The following HNRNPUL1 variants were observed in gnomAD, a reference collection of about 807,000 sequenced individuals.
HNRNPUL1 encodes the protein heterogeneous nuclear ribonucleoprotein U like 1, also known as heterogeneous nuclear ribonucleoprotein U-like protein 1.
A neutral mutation model predicts 108.5 loss-of-function variants in HNRNPUL1; 14 were observed. That is an observed-to-expected ratio of 0.13 (90% CI 0.09 to 0.20). HNRNPUL1 has a LOEUF of 0.20. Among genes scored for constraint, HNRNPUL1 ranks in the 10% least tolerant of loss-of-function variants. The probability of loss-of-function intolerance (pLI) is 1.00; values close to 1 mark genes in which losing one functional copy is unlikely to be tolerated. For synonymous variants in HNRNPUL1, 422 were observed against 445.2 expected (o/e 0.95, Z 0.66); for missense variants, 804 against 1,168.3 (o/e 0.69, Z 4.55).
Position 41,272,195 on chromosome 19 carries a change from A to T in HNRNPUL1, c.532A>T (p.Asn178Tyr). 6.2e-7 allele frequency: 1 copy of T among 1,614,018 alleles called. No individual in the cohort carries two copies. Among genetic ancestry groups the T allele is most frequent in the South Asian group, 1.1e-5 (1 of 91,062 alleles). ...GAGTCGAAAGAGGCCTTATGAAGAA[A>T]ACCGGGGACGGGGGTACTTTGAGCA... ...FQSRKRPYEE[N>Y]RGRGYFEHRE... Residue 178 changes from asparagine to tyrosine, a missense_variant, in exon 3 of 15, where the codon AAC becomes TAC. Coordinates refer to ENST00000392006, the MANE Select transcript of HNRNPUL1 (RefSeq NM_007040.6).
chr19:41,287,256 C>T (rs368399520), intron 7 of HNRNPUL1, among the ~76,000 whole-genome samples: 4 of 152,130 alleles, frequency 2.6e-5, no homozygotes, highest in South Asian at 2.1e-4. Flanking sequence ...CTTCGTGATC[C>T]GCCCACCTCG....
chr19:41,279,204 G>T, intron 6 of HNRNPUL1, 28 bp downstream of exon 6: 1 of 1,465,558 alleles, frequency 6.8e-7, no homozygotes. Flanking sequence ...ATGCAGTCCA[G>T]AGAATAGAGT....
intron 6 of HNRNPUL1, among the ~76,000 whole-genome samples, chr19:41,279,405 C>T (rs901599753): frequency 1.3e-5 from 2 of 152,234 alleles, no homozygotes; most frequent in African/African-American, 4.8e-5. Flanking sequence ...TCTTATCCTT[C>T]ATCTTTTAGG....
chr19:41,301,389 A>G (rs75497875), intron 10 of HNRNPUL1, 147 bp from the exon 11 acceptor site: 18,884 of 631,266 alleles, frequency 0.03, 1,378 homozygotes, highest in African/African-American at 0.19. Flanking sequence ...GAATCTTCTA[A>G]GTAAAGAAGA....
At chr19:41,263,664 C>T (rs897315327), upstream of HNRNPUL1, among the ~76,000 whole-genome samples, 2 of 152,210 alleles carry the variant, frequency 1.3e-5, no homozygotes, top group Admixed American at 6.5e-5. Context: ...AACTGTGTAT[C>T]CACTTAATCT....
intron 4 of HNRNPUL1, 140 bp from the exon 5 acceptor site, chr19:41,276,019 C>G (rs559177664): frequency 2.0e-6 from 2 of 999,530 alleles, no homozygotes; most frequent in South Asian, 2.7e-5. Context: ...AAGAGAATCA[C>G]TTGAACCCGG....
intron 2 of HNRNPUL1, among the ~76,000 whole-genome samples, chr19:41,269,932 A>G (rs1255787710): frequency 1.3e-5 from 2 of 152,092 alleles, no homozygotes; most frequent in Admixed American, 6.5e-5. Flanking sequence ...TGTCTCTATA[A>G]AAAATAAAAA....
At chr19:41,290,096 G>A (rs536777824) in intron 7 of HNRNPUL1, among the ~76,000 whole-genome samples, 86 of 152,260 alleles carry the variant, frequency 5.6e-4, no homozygotes, top group African/African-American at 2.0e-3. Flanking sequence ...TGTGAGCACT[G>A]AGGAGGTTAA....
chr19:41,276,318 G>A lies in HNRNPUL1; in HGVS notation c.786+20G>A. 6.3e-7 allele frequency: 1 copy of A among 1,593,902 alleles called. No individual in the cohort carries two copies. Among genetic ancestry groups the A allele is most frequent in the Non-Finnish European group, 8.6e-7 (1 of 1,167,314 alleles). ...ATGAAGGTGAGTAGGAGCAAGAGAA[G>A]GGGAAGGGACAGAGAAGTCCATCCA... On this transcript the variant is annotated intron_variant, in intron 5 of 14. Transcript: ENST00000392006.
At chr19:41,268,435 A>G in intron 2 of HNRNPUL1, 90 bp downstream of exon 2, 2 of 1,375,466 alleles carry the variant, frequency 1.5e-6, no homozygotes, top group Non-Finnish European at 2.0e-6. Context: ...TCCCAGAGAA[A>G]CTGTGCATCT....
chr19:41,304,413 C>T lies in HNRNPUL1; in HGVS notation c.2262+152C>T, dbSNP rs76848766. 3.8e-3 allele frequency: 5,275 copies of T among 1,387,862 alleles called. 145 individuals carry two copies. In the African/African-American group the frequency reaches 0.063, roughly 17 times the overall value. The allele number at this position is 1,387,862 out of a possible 1,614,324, so 86.0% of individuals were successfully genotyped here. A position where few individuals can be genotyped will look rare whatever the true frequency, so the allele number is the denominator to read the frequency against. On this transcript the variant is annotated intron_variant, in intron 13 of 14. Coordinates refer to ENST00000392006, the MANE Select transcript of HNRNPUL1 (RefSeq NM_007040.6). ...TAGCCTGCCCTTCTTTCTCCCTGGCCGTGATCTTGACTCAGATGGACCCTA... is the reference window on the plus strand; with the variant it reads ...TAGCCTGCCCTTCTTTCTCCCTGGCTGTGATCTTGACTCAGATGGACCCTA...
chr19:41,289,827 C>T (rs1204510758), intron 7 of HNRNPUL1, among the ~76,000 whole-genome samples: 2 of 151,266 alleles, frequency 1.3e-5, no homozygotes, highest in African/African-American at 4.9e-5. Flanking sequence ...ATTCTCCTGC[C>T]TCAGCCTCCT....
chr19:41,263,196 G>A (rs1366518166), upstream of HNRNPUL1, among the ~76,000 whole-genome samples: 1 of 152,104 alleles, frequency 6.6e-6, no homozygotes, highest in Non-Finnish European at 1.5e-5. Context: ...AGGAGGCAGT[G>A]GGAGTCTGCA....
intron 1 of HNRNPUL1, among the ~76,000 whole-genome samples, chr19:41,266,055 C>T (rs2034822110): frequency 6.6e-6 from 1 of 152,096 alleles, no homozygotes; most frequent in South Asian, 2.1e-4. Flanking sequence ...GGAGCTGTGA[C>T]TCTGGGAATG....
At chr19:41,273,905 T>C (rs1272941387) in intron 3 of HNRNPUL1, 77 bp from the exon 4 acceptor site, 10 of 1,214,414 alleles carry the variant, frequency 8.2e-6, no homozygotes, top group Non-Finnish European at 1.1e-5. Context: ...ACTCATAGAT[T>C]ACAGCAGAAC....
chr19:41,300,458 T>TAAG (rs2037141886), intron 10 of HNRNPUL1, among the ~76,000 whole-genome samples: 1 of 152,210 alleles, frequency 6.6e-6, no homozygotes, highest in African/African-American at 2.4e-5. Context: ...CCGTTTCTGC[T>TAAG]GAGTTCCTGA....
Position 41,301,651 on chromosome 19 carries a change from G to A in HNRNPUL1, c.1634G>A (p.Arg545Gln), listed in dbSNP as rs2037218112. 1.2e-6 allele frequency: 2 copies of A among 1,613,890 alleles called. No individual in the cohort carries two copies. Among genetic ancestry groups the A allele is most frequent in the African/African-American group, 1.3e-5 (1 of 74,910 alleles). Residue 545 changes from arginine to glutamine, a missense_variant, in exon 11 of 15, where the codon CGA becomes CAA. Arg to Gln is a conservative substitution (Grantham distance 43). This residue lies in a region of HNRNPUL1 where 80 missense variants were observed against 221.8 expected (regional missense o/e 0.36). Transcript: ENST00000392006. ...GACCTAAAAGACCGAACAATAAAGCGAACCGACGAGGAAGGGAAGGATGTC... is the reference window on the plus strand; with the variant it reads ...GACCTAAAAGACCGAACAATAAAGCAAACCGACGAGGAAGGGAAGGATGTC... The part of the protein sequence containing the change: ...DEDLKDRTIK[R>Q]TDEEGKDVPD...
intron 8 of HNRNPUL1, among the ~76,000 whole-genome samples, chr19:41,293,563 C>T (rs891446495): frequency 6.6e-6 from 1 of 152,176 alleles, no homozygotes; most frequent in African/African-American, 2.4e-5. Context: ...TGATTAGATA[C>T]AATTCATGTC....
rs374312400 is a variant in HNRNPUL1, at chr19:41,268,260, C to T, written c.333C>T (p.Tyr111=). Residue 111 remains tyrosine, a synonymous_variant, in exon 2 of 15, where the codon TAC becomes TAT. Transcript: ENST00000392006. ...MDNITRQNQF[Y]DTQVIKQENE... ...ATATTACCAGGCAGAACCAATTCTACGATACCCAAGTCATCAAACAAGAAA... is the reference window on the plus strand; with the variant it reads ...ATATTACCAGGCAGAACCAATTCTATGATACCCAAGTCATCAAACAAGAAA... 3.4e-5 allele frequency: 55 copies of T among 1,613,764 alleles called. No individual in the cohort carries two copies. Among genetic ancestry groups the T allele is most frequent in the Admixed American group, 1.0e-4 (6 of 59,972 alleles).
Sources: allele counts gnomAD v4.1 joint callset (sites outside exome capture counted in the v4.1 genomes callset), GRCh38; gene constraint gnomAD v4.1.1; regional missense constraint gnomAD v4.1.1; transcripts MANE v1.5; gene names NCBI Gene and HGNC (gene_info 2026-07-23, HGNC 2026-07-21).